Variants in EIF4G3 observed in about 807,000 individuals in gnomAD.
EIF4G3 encodes the protein eIF-4-gamma 3.
In EIF4G3, 34 loss-of-function variants were observed where a neutral mutation model predicts 186.4. The ratio of observed to expected loss-of-function variants is 0.18; its 90% CI spans 0.14 to 0.24. EIF4G3 has a LOEUF of 0.24. EIF4G3 is among the 10% of genes least tolerant of loss of function. The pLI, the probability that EIF4G3 is intolerant of heterozygous loss-of-function variation, is 1.00. For synonymous variants in EIF4G3, 673 were observed against 679.5 expected (o/e 0.99, Z 0.15); for missense variants, 1,536 against 1,948.5 (o/e 0.79, Z 3.99).
At chr1:20,907,203 CCTTGT>C (rs1381681346) in intron 14 of EIF4G3, among the ~76,000 whole-genome samples, 1 of 152,138 alleles carries the variant, frequency 6.6e-6, no homozygotes, top group African/African-American at 2.4e-5. Context: ...ATTGTTTCCT[CCTTGT>C]CTTGTATTAA....
At chr1:20,909,996 T>C (rs1035676728) in intron 14 of EIF4G3, among the ~76,000 whole-genome samples, 1 of 152,044 alleles carries the variant, frequency 6.6e-6, no homozygotes, top group African/African-American at 2.4e-5. Flanking sequence ...TTGTCCAGGC[T>C]AGTCTGAAAC....
chr1:20,981,733 A>G (rs1234257800), intron 8 of EIF4G3, among the ~76,000 whole-genome samples: 2 of 142,020 alleles, frequency 1.4e-5, no homozygotes, highest in South Asian at 2.2e-4. Flanking sequence ...ATACGCACAT[A>G]CTGTATATAC....
chr1:21,013,172 C>T (rs988716611), intron 4 of EIF4G3, among the ~76,000 whole-genome samples: 1 of 151,946 alleles, frequency 6.6e-6, no homozygotes, highest in African/African-American at 2.4e-5. Flanking sequence ...AAAGAAGCTG[C>T]CAACTCAACT....
chr1:20,863,941 G>A (rs1259219852), intron 22 of EIF4G3, among the ~76,000 whole-genome samples: 1 of 152,146 alleles, frequency 6.6e-6, no homozygotes, highest in Non-Finnish European at 1.5e-5. Flanking sequence ...ATAAACCACT[G>A]GGTTTTCTGT....
chr1:20,953,382 T>A (rs1475449145), intron 12 of EIF4G3, among the ~76,000 whole-genome samples: 1 of 152,232 alleles, frequency 6.6e-6, no homozygotes, highest in Non-Finnish European at 1.5e-5. Flanking sequence ...GGCAAGATAT[T>A]AGATTCCTGA....
chr1:21,142,209 G>T (rs2097352780), intron 2 of EIF4G3, among the ~76,000 whole-genome samples: 1 of 151,886 alleles, frequency 6.6e-6, no homozygotes, highest in African/African-American at 2.4e-5. Flanking sequence ...GAATCTAAAA[G>T]TGGCTAATGG....
intron 14 of EIF4G3, chr1:20,941,247 C>T (rs200466285): frequency 1.8e-4 from 284 of 1,540,896 alleles, no homozygotes; most frequent in Non-Finnish European, 2.0e-4. Flanking sequence ...CAACATGTTT[C>T]GTGACATATA....
At chr1:20,998,834 T>C (rs968085339) in intron 6 of EIF4G3, 3 of 428,964 alleles carry the variant, frequency 7.0e-6, no homozygotes, top group African/African-American at 6.1e-5. Context: ...ATGTAAACCA[T>C]ATACAGGGTT....
intron 4 of EIF4G3, among the ~76,000 whole-genome samples, chr1:21,039,333 A>T (rs550666863): frequency 6.6e-4 from 101 of 152,346 alleles, no homozygotes; most frequent in African/African-American, 2.2e-3. Flanking sequence ...GAGAACACAG[A>T]AAAACAAAAT....
intron 3 of EIF4G3, among the ~76,000 whole-genome samples, chr1:21,077,935 A>C (rs1246551418): frequency 6.6e-6 from 1 of 151,946 alleles, no homozygotes; most frequent in African/African-American, 2.4e-5. Context: ...GAGAAAGGAG[A>C]ATGCTCGCAC....
At chr1:21,138,242 T>C (rs2097280807) in intron 2 of EIF4G3, among the ~76,000 whole-genome samples, 1 of 152,220 alleles carries the variant, frequency 6.6e-6, no homozygotes, top group Non-Finnish European at 1.5e-5. Context: ...TGTCCATCCA[T>C]ATTTATAGAA....
intron 14 of EIF4G3, chr1:20,929,716 TATC>T (rs745600844): frequency 8.5e-5 from 13 of 152,338 alleles, no homozygotes; most frequent in East Asian, 5.8e-4. Flanking sequence ...ATACTATTAT[TATC>T]TTCATTTTTC....
At chr1:21,106,613 G>A (rs1230227273) in intron 2 of EIF4G3, among the ~76,000 whole-genome samples, 3 of 152,078 alleles carry the variant, frequency 2.0e-5, no homozygotes, top group Non-Finnish European at 4.4e-5. Context: ...AAAAATCCAG[G>A]AGGAGATGTA....
At chr1:20,938,880 G>A (rs920185993) in intron 14 of EIF4G3, among the ~76,000 whole-genome samples, 6 of 151,910 alleles carry the variant, frequency 3.9e-5, no homozygotes, top group Non-Finnish European at 7.4e-5. Context: ...AGGCTGAGGC[G>A]GGCGGATCAC....
At chr1:20,983,926 C>T (rs1036463430) in intron 7 of EIF4G3, among the ~76,000 whole-genome samples, 1 of 152,118 alleles carries the variant, frequency 6.6e-6, no homozygotes, top group Non-Finnish European at 1.5e-5. Flanking sequence ...AAAATTTTAA[C>T]AGTCTGTATG....
At chr1:21,023,235 C>T (rs1427154483) in intron 4 of EIF4G3, among the ~76,000 whole-genome samples, 1 of 38,998 alleles carries the variant, frequency 2.6e-5, no homozygotes, top group African/African-American at 6.8e-5. Flanking sequence ...CTCTCCCTCC[C>T]CCTCCCCTCC....
At chr1:20,826,109 T>G (rs2063545175) in intron 32 of EIF4G3, among the ~76,000 whole-genome samples, 1 of 152,200 alleles carries the variant, frequency 6.6e-6, no homozygotes, top group African/African-American at 2.4e-5. Flanking sequence ...TAGTTTTATT[T>G]GGAAGTAGGG....
intron 2 of EIF4G3, among the ~76,000 whole-genome samples, chr1:21,155,207 G>A (rs986193795): frequency 3.0e-5 from 4 of 133,036 alleles, no homozygotes; most frequent in Admixed American, 9.1e-5. Context: ...AGGTTGCAGT[G>A]AGCCAAGATC....
chr1:20,963,670 T>C (rs2073958315), intron 12 of EIF4G3, among the ~76,000 whole-genome samples: 2 of 152,074 alleles, frequency 1.3e-5, no homozygotes, highest in African/African-American at 2.4e-5. Flanking sequence ...TAAGTGATCT[T>C]TGGCCGGGCA....
Sources: allele counts gnomAD v4.1 joint callset (sites outside exome capture counted in the v4.1 genomes callset), GRCh38; gene constraint gnomAD v4.1.1; transcripts MANE v1.5; gene names NCBI Gene and HGNC (gene_info 2026-07-23, HGNC 2026-07-21).